PITPNB: variants seen among roughly 807,000 people sequenced by gnomAD.
The protein encoded by PITPNB is phosphatidylinositol transfer protein beta.
PITPNB carries 16 observed loss-of-function variants against 45.9 expected under a neutral mutation model. The observed-to-expected ratio is 0.35, with a 90% confidence interval of 0.24 to 0.53. The LOEUF is 0.53. PITPNB is among the 20% of genes least tolerant of loss of function. The probability of loss-of-function intolerance (pLI) is 0.93; values close to 1 mark genes in which losing one functional copy is unlikely to be tolerated. For missense variants in PITPNB, 188 were observed against 330.5 expected, an observed-to-expected ratio of 0.57 and a Z score of 3.34; for synonymous variants, 112 against 108.9, an observed-to-expected ratio of 1.03 and a Z score of -0.18.
intron 7 of PITPNB, among the ~76,000 whole-genome samples, chr22:27,879,370 G>C (rs1354863423): frequency 6.6e-6 from 1 of 152,158 alleles, no homozygotes; most frequent in African/African-American, 2.4e-5. Flanking sequence ...TCCAGGATAA[G>C]ATGAGAAAGT....
chr22:27,867,186 A>G (rs1415415671), intron 8 of PITPNB, among the ~76,000 whole-genome samples: 2 of 152,160 alleles, frequency 1.3e-5, no homozygotes, highest in African/African-American at 4.8e-5. Context: ...GCACTGACCC[A>G]TATCAAGGTA....
chr22:27,899,892 C>G (rs1164577226), intron 3 of PITPNB, among the ~76,000 whole-genome samples: 1 of 152,096 alleles, frequency 6.6e-6, no homozygotes, highest in Non-Finnish European at 1.5e-5. Context: ...ATCAATGGTT[C>G]AGCTGGTCAA....
chr22:27,883,820 T>G (rs908627553), intron 7 of PITPNB, among the ~76,000 whole-genome samples: 40 of 152,258 alleles, frequency 2.6e-4, no homozygotes, highest in African/African-American at 9.6e-4. Context: ...TGTACAGACC[T>G]GCCTAATGAC....
chr22:27,883,856 G>A (rs938254324), intron 7 of PITPNB, among the ~76,000 whole-genome samples: 30 of 152,184 alleles, frequency 2.0e-4, no homozygotes, highest in African/African-American at 7.2e-4. Context: ...AGACCAAACT[G>A]GGGACAGGAC....
intron 3 of PITPNB, among the ~76,000 whole-genome samples, chr22:27,909,941 C>T (rs1004968206): frequency 1.3e-5 from 2 of 151,356 alleles, no homozygotes; most frequent in Non-Finnish European, 2.9e-5. Context: ...CACCATGCCC[C>T]ACTAATTTCT....
intron 7 of PITPNB, among the ~76,000 whole-genome samples, chr22:27,892,319 G>A (rs1189492550): frequency 6.6e-6 from 1 of 152,120 alleles, no homozygotes; most frequent in Non-Finnish European, 1.5e-5. Flanking sequence ...TGTAAACACT[G>A]CCCATTTTCG....
chr22:27,876,817 G>A (rs1274942557), intron 7 of PITPNB, among the ~76,000 whole-genome samples: 1 of 152,198 alleles, frequency 6.6e-6, no homozygotes, highest in Non-Finnish European at 1.5e-5. Context: ...GAGCAATAGT[G>A]TGGAATGAGA....
intron 8 of PITPNB, among the ~76,000 whole-genome samples, chr22:27,860,852 G>A (rs902539606): frequency 1.3e-5 from 2 of 152,004 alleles, no homozygotes; most frequent in African/African-American, 4.8e-5. Context: ...ATCAAATCAA[G>A]ACTTGTTCTG....
intron 3 of PITPNB, among the ~76,000 whole-genome samples, chr22:27,898,875 T>C (rs974102717): frequency 6.6e-6 from 1 of 152,146 alleles, no homozygotes; most frequent in African/African-American, 2.4e-5. Context: ...CCATTACAAA[T>C]AGAAAATGTT....
At chr22:27,913,793 G>T (rs903489163) in intron 2 of PITPNB, among the ~76,000 whole-genome samples, 4 of 152,226 alleles carry the variant, frequency 2.6e-5, no homozygotes, top group African/African-American at 9.6e-5. Flanking sequence ...AAAAGTGCTT[G>T]TGGGGGATGG....
At chr22:27,885,865 A>G (rs1343350890) in intron 7 of PITPNB, among the ~76,000 whole-genome samples, 1 of 152,182 alleles carries the variant, frequency 6.6e-6, no homozygotes, top group Non-Finnish European at 1.5e-5. Context: ...TGATCTACCA[A>G]ACCTTTATGG....
intron 7 of PITPNB, among the ~76,000 whole-genome samples, chr22:27,883,285 G>C (rs1935026641): frequency 6.6e-6 from 1 of 152,258 alleles, no homozygotes; most frequent in Admixed American, 6.5e-5. Flanking sequence ...CTGCATTAGA[G>C]TCCTGGCTCC....
At chr22:27,862,808 C>A (rs138315601) in intron 8 of PITPNB, among the ~76,000 whole-genome samples, 2 of 152,116 alleles carry the variant, frequency 1.3e-5, no homozygotes, top group East Asian at 1.9e-4. Context: ...AATAATGCTG[C>A]CCTTGGTGTC....
At chr22:27,894,740 G>T in intron 6 of PITPNB, 102 bp from the exon 7 acceptor site, 2 of 568,742 alleles carry the variant, frequency 3.5e-6, no homozygotes, top group Non-Finnish European at 6.1e-6. Context: ...ACATTATAGG[G>T]AATTAAAAGA....
chr22:27,890,064 C>A (rs1345279127), intron 7 of PITPNB, among the ~76,000 whole-genome samples: 2 of 151,988 alleles, frequency 1.3e-5, no homozygotes, highest in African/African-American at 4.8e-5. Flanking sequence ...AGTGTAGGGG[C>A]AGCTGTCAAT....
intron 2 of PITPNB, among the ~76,000 whole-genome samples, chr22:27,914,020 T>A (rs1936007852): frequency 1.3e-5 from 2 of 152,218 alleles, no homozygotes; most frequent in Admixed American, 6.5e-5. Flanking sequence ...CTTAAAGTAC[T>A]TAAGTTGAGG....
intron 7 of PITPNB, among the ~76,000 whole-genome samples, chr22:27,876,610 T>A (rs1934827317): frequency 6.6e-6 from 1 of 152,232 alleles, no homozygotes; most frequent in African/African-American, 2.4e-5. Flanking sequence ...CTCAGTTTTG[T>A]ATTTCCACAA....
intron 10 of PITPNB, among the ~76,000 whole-genome samples, 179 bp downstream of exon 10, chr22:27,858,208 G>C (rs1238878536): frequency 6.6e-6 from 1 of 152,192 alleles, no homozygotes; most frequent in Non-Finnish European, 1.5e-5. Context: ...CAACAAAAGA[G>C]AGATCAGAAT....
At chr22:27,901,696 C>T (rs1935599458) in intron 3 of PITPNB, among the ~76,000 whole-genome samples, 1 of 151,956 alleles carries the variant, frequency 6.6e-6, no homozygotes, top group African/African-American at 2.4e-5. Context: ...CCAGCCTGGC[C>T]AACATGATGA....
Sources: allele counts gnomAD v4.1 joint callset (sites outside exome capture counted in the v4.1 genomes callset), GRCh38; gene constraint gnomAD v4.1.1; transcripts MANE v1.5; gene names NCBI Gene and HGNC (gene_info 2026-07-23, HGNC 2026-07-21).